The following ABCA12 variants were observed in gnomAD, a reference collection of about 807,000 sequenced individuals.
The protein encoded by ABCA12 is ATP binding cassette subfamily A member 12.
Under a neutral mutation model 293.5 loss-of-function variants are expected in ABCA12, and 156 were observed. The observed-to-expected ratio is 0.53, with a 90% CI of 0.47 to 0.61. The LOEUF is 0.61. Ranked by LOEUF, ABCA12 falls within the 20% of genes least tolerant of loss-of-function variation. The probability of loss-of-function intolerance (pLI) is 0.00; values close to 1 mark genes in which losing one functional copy is unlikely to be tolerated. For synonymous variants in ABCA12, 1,063 were observed against 1,108.0 expected, an observed-to-expected ratio of 0.96 and a Z score of 0.81; for missense variants, 2,797 against 3,090.2, an observed-to-expected ratio of 0.91 and a Z score of 2.25.
In ABCA12 at chr2:215,019,740, C is replaced by T; in HGVS notation, c.1344G>A (p.Leu448=). 21 of 1,614,124 alleles carry T rather than the reference C, an allele frequency of 1.3e-5. No homozygotes were observed. Among genetic ancestry groups the T allele is most frequent in the Non-Finnish European group, 1.8e-5 (21 of 1,180,038 alleles). ...ELLCESETFS[L]IEKSCQLSDM... ...CAGAGAGCTGGCATGACTTCTCTAT[C>T]AAACTGAAAGTTTCAGATTCACAAA... The change falls in exon 12 of 53, where the codon TTG becomes TTA. Residue 448 remains leucine, a synonymous_variant. Transcript: ENST00000272895.
chr2:215,080,042 T>C (rs1388060161), intron 2 of ABCA12, among the ~76,000 whole-genome samples: 3 of 152,234 alleles, frequency 2.0e-5, no homozygotes, highest in Non-Finnish European at 4.4e-5. Flanking sequence ...CTTTCTGCTA[T>C]ATACGGTAAT....
chr2:214,959,364 T>G (rs1278611701), intron 39 of ABCA12, among the ~76,000 whole-genome samples: 1 of 152,170 alleles, frequency 6.6e-6, no homozygotes, highest in East Asian at 1.9e-4. Context: ...GTGTGTTATA[T>G]TTAAATAAGT....
chr2:214,970,157 G>T, intron 37 of ABCA12, 116 bp downstream of exon 37: 1 of 1,061,574 alleles, frequency 9.4e-7, no homozygotes, highest in Non-Finnish European at 1.3e-6. Flanking sequence ...AAATAAAACT[G>T]AGAATTTAAC....
rs1575028798 is a variant in ABCA12 at position 215,077,929 on chromosome 2, T to G, written c.164-13710A>C. ...ATGGGAAGATCACACACAAAAAACG[T>G]AAAGCACTAGATGCTCCTAACCACA... On this transcript the variant is annotated intron_variant, in intron 2 of 52. Transcript: ENST00000272895. 2.0e-5 allele frequency among the ~76,000 whole-genome samples: 3 copies of G among 152,278 alleles called. 1 individual carries two copies. In the South Asian group the frequency reaches 6.2e-4, roughly 32 times the overall value.
chr2:215,095,365 A>T (rs4508596), intron 2 of ABCA12, among the ~76,000 whole-genome samples: 1,750 of 152,200 alleles, frequency 0.011, 27 homozygotes, highest in Non-Finnish European at 0.015. Flanking sequence ...TCCTTCTCTT[A>T]TTCGGACCTT....
chr2:215,084,377 A>G (rs950501330), intron 2 of ABCA12, among the ~76,000 whole-genome samples: 2 of 152,160 alleles, frequency 1.3e-5, no homozygotes, highest in African/African-American at 4.8e-5. Flanking sequence ...ATAACCCTTT[A>G]TTTATCAAGT....
chr2:215,099,215 C>T (rs919496783), intron 2 of ABCA12, among the ~76,000 whole-genome samples: 1 of 152,228 alleles, frequency 6.6e-6, no homozygotes, highest in African/African-American at 2.4e-5. Flanking sequence ...CAAGGCCCAG[C>T]TGGGGAGAAG....
intron 39 of ABCA12, among the ~76,000 whole-genome samples, 162 bp from the exon 40 acceptor site, chr2:214,959,240 C>A: frequency 6.6e-6 from 1 of 151,702 alleles, no homozygotes. Flanking sequence ...TCCCCTAATC[C>A]CATTAATGCC....
At chr2:214,965,477 C>G (rs1559118750) in intron 39 of ABCA12, among the ~76,000 whole-genome samples, 1 of 152,148 alleles carries the variant, frequency 6.6e-6, no homozygotes, top group Non-Finnish European at 1.5e-5. Context: ...ATTTTGCCAT[C>G]TGTCTCTCTG....
At chr2:215,078,520 G>A (rs1559181379) in intron 2 of ABCA12, among the ~76,000 whole-genome samples, 1 of 152,156 alleles carries the variant, frequency 6.6e-6, no homozygotes, top group Non-Finnish European at 1.5e-5. Context: ...CAGTTCTTAT[G>A]CAGTCCTAGT....
chr2:214,967,072 A>G, intron 38 of ABCA12, 119 bp from the exon 39 acceptor site: 2 of 883,204 alleles, frequency 2.3e-6, no homozygotes, highest in South Asian at 2.9e-5. Context: ...CCAATAATTT[A>G]TTTTATCTTG....
rs1702973670 is a variant in ABCA12, at chr2:215,128,347, T to C, written c.69+9793A>G. 2.0e-5 allele frequency among the ~76,000 whole-genome samples: 3 copies of C among 152,270 alleles called. No individual in the cohort carries two copies. In the South Asian group the frequency reaches 6.2e-4, roughly 31 times the overall value. ...TCTTGTATTTGCACGTCTAGGTCTC[T>C]AGCAAGGCTGGGGAAGTTTTCCTCA... On this transcript the variant is annotated intron_variant, in intron 1 of 52. Transcript: ENST00000272895.
intron 29 of ABCA12, among the ~76,000 whole-genome samples, chr2:214,983,053 A>G (rs943164763): frequency 2.0e-5 from 3 of 152,140 alleles, no homozygotes; most frequent in Admixed American, 2.0e-4. Context: ...GAGAAGAGAA[A>G]GTAAAAAGCC....
chr2:214,986,763 C>G, intron 27 of ABCA12, 35 bp from the exon 28 acceptor site: 1 of 1,587,138 alleles, frequency 6.3e-7, no homozygotes, highest in African/African-American at 1.3e-5. Flanking sequence ...TGTAAACTCA[C>G]AAGTAAGGTA....
In ABCA12 at chr2:215,055,929, C is replaced by T. The variant is rs561492982; in HGVS notation, c.318-1265G>A. 2.6e-4 allele frequency among the ~76,000 whole-genome samples: 39 copies of T among 152,084 alleles called. No individual in the cohort carries two copies. The South Asian group carries it at 7.9e-3, about 31-fold the overall frequency. On this transcript the variant is annotated intron_variant, in intron 3 of 52. Transcript: ENST00000272895. ...ATGACCTGAACATTTTCCCTTTTCT[C>T]AAAAAGAAGTTTTAGAAAGTTTGAG...
At chr2:215,120,229 T>TAAAC (rs1388677149) in intron 1 of ABCA12, among the ~76,000 whole-genome samples, 10 of 151,990 alleles carry the variant, frequency 6.6e-5, no homozygotes, top group African/African-American at 2.4e-4. Flanking sequence ...ATTGAGCGCT[T>TAAAC]ATGGACACAC....
chr2:214,948,503 G>A, intron 47 of ABCA12, 93 bp downstream of exon 47: 3 of 1,370,840 alleles, frequency 2.2e-6, no homozygotes, highest in Admixed American at 3.9e-5. Flanking sequence ...GGGAAATGGT[G>A]GGGCAGGGGG....
intron 8 of ABCA12, chr2:215,032,161 G>A: frequency 7.9e-7 from 1 of 1,268,438 alleles, no homozygotes; most frequent in Non-Finnish European, 1.0e-6. Context: ...TGTGCATCAA[G>A]CCACTACATT....
At chr2:215,072,929 T>C (rs988130290) in intron 2 of ABCA12, among the ~76,000 whole-genome samples, 1 of 152,134 alleles carries the variant, frequency 6.6e-6, no homozygotes, top group Admixed American at 6.5e-5. Flanking sequence ...ACCCTGTCTC[T>C]ACTAAAAATA....
Sources: allele counts gnomAD v4.1 joint callset (sites outside exome capture counted in the v4.1 genomes callset), GRCh38; gene constraint gnomAD v4.1.1; transcripts MANE v1.5; gene names NCBI Gene and HGNC (gene_info 2026-07-23, HGNC 2026-07-21).